Variants in LONRF1 observed in about 807,000 individuals in gnomAD.
LONRF1 encodes LON peptidase N-terminal domain and ring finger 1, also known as LON peptidase N-terminal domain and RING finger protein 1.
LONRF1 carries 37 observed loss-of-function variants against 85.8 expected under a neutral mutation model. The ratio of observed to expected loss-of-function variants is 0.43; its 90% CI spans 0.33 to 0.57. The LOEUF (loss-of-function observed/expected upper bound fraction) is 0.57. LONRF1 is among the 20% of genes least tolerant of loss of function. LONRF1 has a pLI of 0.04. For synonymous variants in LONRF1, 517 were observed against 390.1 expected (o/e 1.33, Z -3.83); for missense variants, 1,036 against 978.0 (o/e 1.06, Z -0.79).
intron 8 of LONRF1, 87 bp downstream of exon 8, chr8:12,731,649 C>A: frequency 1.7e-6 from 2 of 1,151,340 alleles, no homozygotes; most frequent in Non-Finnish European, 2.5e-6. Flanking sequence ...CTGAGATGAA[C>A]TAAAGACAGG....
At chr8:12,727,754 A>G (rs758918541) in intron 10 of LONRF1, among the ~76,000 whole-genome samples, 3 of 152,190 alleles carry the variant, frequency 2.0e-5, no homozygotes, top group Non-Finnish European at 2.9e-5. Context: ...TAAGGCACAG[A>G]TTCTATCAAT....
At chr8:12,737,300 A>AT in intron 4 of LONRF1, 160 bp from the exon 5 acceptor site, 3 of 940,916 alleles carry the variant, frequency 3.2e-6, no homozygotes, top group Non-Finnish European at 5.0e-6. Context: ...CAAGTAAATG[A>AT]TTTTTGCCAG....
intron 1 of LONRF1, chr8:12,753,101 A>G (rs1462564104): frequency 6.6e-6 from 1 of 152,210 alleles, no homozygotes; most frequent in Non-Finnish European, 1.5e-5. Flanking sequence ...AAGCAGAGTC[A>G]TGTGTATCAG....
intron 3 of LONRF1, among the ~76,000 whole-genome samples, chr8:12,739,453 C>T (rs1040989310): frequency 1.3e-5 from 2 of 151,016 alleles, no homozygotes; most frequent in South Asian, 2.1e-4. Flanking sequence ...AAAATCTGAA[C>T]AGTAGTTGCC....
At chr8:12,738,241 G>A (rs1035928714) in intron 3 of LONRF1, 97 bp from the exon 4 acceptor site, 68 of 830,642 alleles carry the variant, frequency 8.2e-5, no homozygotes, top group South Asian at 6.1e-4. Flanking sequence ...TAGAAAGTTT[G>A]TAGCAGACAT....
chr8:12,732,422 CTA>C (rs1231854416), intron 7 of LONRF1, among the ~76,000 whole-genome samples: 1 of 152,168 alleles, frequency 6.6e-6, no homozygotes, highest in African/African-American at 2.4e-5. Flanking sequence ...TCTTGGGACA[CTA>C]TCACTCAGAC....
At chr8:12,738,275 C>A (rs546610220) in intron 3 of LONRF1, 131 bp from the exon 4 acceptor site, 6 of 596,544 alleles carry the variant, frequency 1.0e-5, no homozygotes, top group Non-Finnish European at 1.6e-5. Flanking sequence ...AGGAGGGGAA[C>A]AAGGTAAGCA....
intron 11 of LONRF1, among the ~76,000 whole-genome samples, chr8:12,724,256 C>G (rs1348543004): frequency 3.3e-5 from 5 of 152,152 alleles, no homozygotes; most frequent in African/African-American, 4.8e-5. Context: ...GGAAGAGAAG[C>G]CATTATCCTC....
intron 2 of LONRF1, among the ~76,000 whole-genome samples, chr8:12,742,556 A>C (rs1585246819): frequency 6.6e-6 from 1 of 152,162 alleles, no homozygotes; most frequent in Admixed American, 6.5e-5. Context: ...AATAAATCTC[A>C]TTCAATGAAG....
Position 12,755,010 on chromosome 8 carries a change from G to T in LONRF1, c.411C>A (p.Pro137=). Residue 137 remains proline (P), a synonymous_variant, in exon 1 of 12, where the codon CCC becomes CCA. Transcript: ENST00000398246. The part of the protein sequence containing the change: ...RGFLSEPVTV[P]CGHSYCRRCL... ...AGCGGCGGCAGTAGCTGTGGCCACA[G>T]GGCACGGTCACCGGCTCGCTCAGGA... is the stretch of plus-strand genomic sequence containing the variant. 2.0e-6 allele frequency: 3 copies of T among 1,492,982 alleles called. No individual in the cohort carries two copies. The highest frequency in any genetic ancestry group is 2.7e-6 in the Non-Finnish European group (3 of 1,128,170). 92.5% of individuals were successfully genotyped at this position (1,492,982 alleles called of 1,614,324 possible).
intron 7 of LONRF1, among the ~76,000 whole-genome samples, chr8:12,733,284 G>C (rs1012646233): frequency 9.3e-5 from 14 of 150,752 alleles, no homozygotes; most frequent in Non-Finnish European, 1.5e-4. Context: ...TAAACATCTA[G>C]GGAAATACAG....
intron 11 of LONRF1, among the ~76,000 whole-genome samples, chr8:12,724,901 G>C (rs1044202521): frequency 1.3e-5 from 2 of 152,172 alleles, no homozygotes; most frequent in African/African-American, 4.8e-5. Context: ...GACAAATGTA[G>C]ACCAACCCTT....
At chr8:12,749,270 C>T (rs1799285133) in intron 1 of LONRF1, among the ~76,000 whole-genome samples, 1 of 152,032 alleles carries the variant, frequency 6.6e-6, no homozygotes, top group Non-Finnish European at 1.5e-5. Flanking sequence ...TAAGAAACAT[C>T]TTTAGGGATC....
At chr8:12,732,205 T>C (rs777458328) in intron 7 of LONRF1, among the ~76,000 whole-genome samples, 13 of 152,216 alleles carry the variant, frequency 8.5e-5, no homozygotes, top group Non-Finnish European at 1.9e-4. Flanking sequence ...TAAACTATCA[T>C]TTTAACTGAG....
At chr8:12,742,029 G>A (rs965958610) in intron 2 of LONRF1, among the ~76,000 whole-genome samples, 1 of 152,166 alleles carries the variant, frequency 6.6e-6, no homozygotes, top group Non-Finnish European at 1.5e-5. Context: ...CCTAAAGAAC[G>A]TTCTAGCCAA....
At chr8:12,744,490 T>C (rs946175113) in intron 1 of LONRF1, among the ~76,000 whole-genome samples, 1 of 152,186 alleles carries the variant, frequency 6.6e-6, no homozygotes, top group Non-Finnish European at 1.5e-5. Flanking sequence ...GAATTAAAAG[T>C]TCAATATGAT....
chr8:12,748,806 A>ATT (rs1799265406), intron 1 of LONRF1, among the ~76,000 whole-genome samples: 3 of 15,536 alleles, frequency 1.9e-4, no homozygotes, highest in Non-Finnish European at 3.3e-4. Flanking sequence ...CCAGAATATC[A>ATT]ATTTTTTTTT....
chr8:12,736,512 A>G (rs1798720757), intron 6 of LONRF1, among the ~76,000 whole-genome samples, 189 bp downstream of exon 6: 1 of 152,198 alleles, frequency 6.6e-6, no homozygotes, highest in Non-Finnish European at 1.5e-5. Flanking sequence ...TAAATTAGGA[A>G]ACCTGAGGTT....
intron 3 of LONRF1, 83 bp downstream of exon 3, chr8:12,740,791 T>C (rs1798902832): frequency 4.6e-6 from 7 of 1,516,554 alleles, no homozygotes; most frequent in Non-Finnish European, 6.2e-6. Flanking sequence ...TATGTTCTTA[T>C]TCCAACTTTT....
Sources: allele counts gnomAD v4.1 joint callset (sites outside exome capture counted in the v4.1 genomes callset), GRCh38; gene constraint gnomAD v4.1.1; transcripts MANE v1.5; gene names NCBI Gene and HGNC (gene_info 2026-07-23, HGNC 2026-07-21).